RCBTB1: variants seen among roughly 807,000 people sequenced by gnomAD.
RCBTB1 encodes RCC1 and BTB domain-containing protein 1.
RCBTB1 carries 46 observed loss-of-function variants against 62.4 expected under a neutral mutation model. The observed-to-expected ratio is 0.74, with a 90% confidence interval of 0.58 to 0.94. The LOEUF is 0.94. Among genes scored for constraint, RCBTB1 ranks in the 40% least tolerant of loss-of-function variants. The pLI is 0.00. For synonymous variants in RCBTB1, 222 were observed against 245.8 expected (o/e 0.90, Z 0.91); for missense variants, 565 against 654.9 (o/e 0.86, Z 1.50).
chr13:49,576,343 C>T (rs1452811946), intron 2 of RCBTB1, among the ~76,000 whole-genome samples: 6 of 151,782 alleles, frequency 4.0e-5, no homozygotes, highest in Middle Eastern at 3.2e-3. Context: ...ATACCTTTTA[C>T]CCCAATTTTT....
At position 49,552,486 on chromosome 13, in the gene RCBTB1, C is replaced by A. The variant is rs1407711032; in HGVS notation, c.604-201G>T. Among the ~76,000 whole-genome samples, 4 of 152,110 alleles carry A rather than the reference C, an allele frequency of 2.6e-5. No homozygotes were observed. In the East Asian group the frequency reaches 5.8e-4, roughly 22 times the overall value. ...GCATCAGTTTCTACTCCATGACTTA[C>A]TAGTTAGATAGTCTGGGGCAAGTCA... On this transcript the variant is annotated intron_variant, in intron 6 of 12. Transcript: ENST00000378302.
At chr13:49,547,080 C>G (rs543867640) in intron 9 of RCBTB1, 105 of 1,277,242 alleles carry the variant, frequency 8.2e-5, no homozygotes, top group Non-Finnish European at 1.0e-4. Flanking sequence ...AAGATGTGTA[C>G]AGAAGTGCTT....
intron 12 of RCBTB1, among the ~76,000 whole-genome samples, chr13:49,540,035 T>C (rs1482581113): frequency 6.6e-6 from 1 of 152,234 alleles, no homozygotes; most frequent in Non-Finnish European, 1.5e-5. Context: ...ACATTCTACA[T>C]GCACAACTTA....
rs1435622116 is a variant in RCBTB1 at position 49,552,258 on chromosome 13, C to CGTT, written c.628_630dup (p.Asn210dup). On this transcript the variant is annotated inframe_insertion, in exon 7 of 13. Coordinates refer to ENST00000378302, the MANE Select transcript of RCBTB1 (RefSeq NM_018191.4). ...CCATTGTTTCCCAGGCCCAGCTGACCGTTGCCATTGTAACCCCAGCCATAT... is the reference window on the plus strand; with the variant it reads ...CCATTGTTTCCCAGGCCCAGCTGACCGTTGTTGCCATTGTAACCCCAGCCATAT... The CGTT allele has an allele frequency of 1.2e-6, 2 of 1,601,866 alleles. No individual in the cohort carries two copies. The highest frequency in any genetic ancestry group is 2.7e-5 in the African/African-American group (2 of 74,718).
intron 2 of RCBTB1, among the ~76,000 whole-genome samples, chr13:49,569,856 C>T (rs1454761871): frequency 2.1e-4 from 32 of 151,944 alleles, no homozygotes; most frequent in Admixed American, 2.0e-3. Context: ...GCAGTTGAGC[C>T]GAGATCACAA....
intron 12 of RCBTB1, among the ~76,000 whole-genome samples, chr13:49,539,854 T>C (rs1050628002): frequency 6.6e-6 from 1 of 152,154 alleles, no homozygotes; most frequent in Non-Finnish European, 1.5e-5. Context: ...AAAAATAAGA[T>C]ACATTTTGAA....
chr13:49,573,178 CTA>C (rs1462250433), intron 2 of RCBTB1, among the ~76,000 whole-genome samples: 1 of 152,106 alleles, frequency 6.6e-6, no homozygotes, highest in Non-Finnish European at 1.5e-5. Flanking sequence ...GTTAGCTTAG[CTA>C]TGTTATAAAA....
intron 5 of RCBTB1, among the ~76,000 whole-genome samples, chr13:49,559,238 T>C (rs1165140004): frequency 6.6e-6 from 1 of 152,248 alleles, no homozygotes; most frequent in Non-Finnish European, 1.5e-5. Context: ...TCCTATCATA[T>C]GGTACAAAGT....
chr13:49,557,117 A>G (rs1379355864), intron 5 of RCBTB1, among the ~76,000 whole-genome samples: 2 of 152,204 alleles, frequency 1.3e-5, no homozygotes, highest in South Asian at 4.1e-4. Context: ...TTGTTCACTT[A>G]TAAGTTGTCC....
At chr13:49,572,634 C>T (rs919290748) in intron 2 of RCBTB1, among the ~76,000 whole-genome samples, 2 of 152,082 alleles carry the variant, frequency 1.3e-5, no homozygotes, top group African/African-American at 4.8e-5. Flanking sequence ...AAAACCCTGT[C>T]TCCACTAAAA....
chr13:49,571,658 G>C (rs1963408080), intron 2 of RCBTB1, among the ~76,000 whole-genome samples: 1 of 152,140 alleles, frequency 6.6e-6, no homozygotes, highest in Admixed American at 6.5e-5. Flanking sequence ...GTTTTGTGGG[G>C]CTATGTGCCA....
chr13:49,554,060 G>A (rs913957437), intron 6 of RCBTB1, among the ~76,000 whole-genome samples: 6 of 152,176 alleles, frequency 3.9e-5, no homozygotes, highest in Admixed American at 6.5e-5. Context: ...ATGGAAAGCC[G>A]CATAAATGGT....
intron 4 of RCBTB1, 79 bp from the exon 5 acceptor site, chr13:49,560,163 A>G: frequency 1.3e-6 from 2 of 1,484,530 alleles, no homozygotes; most frequent in African/African-American, 2.8e-5. Context: ...AACTTCGTAC[A>G]GCTCCTTCTC....
intron 12 of RCBTB1, among the ~76,000 whole-genome samples, 192 bp from the exon 13 acceptor site, chr13:49,534,454 C>T (rs538152636): frequency 5.3e-5 from 8 of 152,200 alleles, no homozygotes; most frequent in South Asian, 4.1e-4. Context: ...ATTTATTCAA[C>T]GCAGTAAAAG....
intron 2 of RCBTB1, among the ~76,000 whole-genome samples, chr13:49,568,912 A>G (rs1963211428): frequency 6.6e-6 from 1 of 152,222 alleles, no homozygotes; most frequent in Non-Finnish European, 1.5e-5. Flanking sequence ...CTGGTGACAG[A>G]GCGAGACTCT....
chr13:49,552,655 G>T (rs914976591), intron 6 of RCBTB1, among the ~76,000 whole-genome samples: 1 of 151,994 alleles, frequency 6.6e-6, no homozygotes, highest in African/African-American at 2.4e-5. Context: ...TTTGCTGATG[G>T]GTAGCAAGTG....
intron 1 of RCBTB1, among the ~76,000 whole-genome samples, chr13:49,580,862 C>G (rs1031685384): frequency 6.6e-6 from 1 of 152,196 alleles, no homozygotes; most frequent in African/African-American, 2.4e-5. Context: ...AAACAGGACA[C>G]AGAGCCAACA....
chr13:49,553,771 T>G (rs1300190874), intron 6 of RCBTB1, among the ~76,000 whole-genome samples: 1 of 152,168 alleles, frequency 6.6e-6, no homozygotes, highest in Non-Finnish European at 1.5e-5. Context: ...AAAGGCACTT[T>G]CACCCAGTGC....
intron 6 of RCBTB1, 132 bp from the exon 7 acceptor site, chr13:49,552,417 A>G (rs1486281718): frequency 5.2e-6 from 3 of 579,326 alleles, no homozygotes; most frequent in Non-Finnish European, 9.1e-6. Context: ...CCTGCAACTG[A>G]TCTCCAAACA....
Sources: gnomAD v4.1 joint callset for allele counts (sites outside exome capture counted in the v4.1 genomes callset) on GRCh38, gnomAD v4.1.1 for gene constraint, MANE v1.5 for transcripts, NCBI Gene and HGNC (gene_info 2026-07-23, HGNC 2026-07-21) for gene names.